Variants in IFT56 observed in about 807,000 individuals in gnomAD.
IFT56 encodes intraflagellar transport 56, also known as intraflagellar transport protein 56.
the IFT56 span, among the ~76,000 whole-genome samples, chr7:139,172,144 AATTAC>A: frequency 0.023 from 2,883 of 127,244 alleles, 67 homozygotes; most frequent in African/African-American, 0.11. Flanking sequence ...AAAAAAAAAA[AATTAC>A]TTAATGCTAA....
At chr7:139,189,184 G>C in the IFT56 span, 2 of 598,816 alleles carry the variant, frequency 3.3e-6, no homozygotes, top group Non-Finnish European at 6.0e-6. Context: ...TAATTGCTTT[G>C]TGAATACACA....
At chr7:139,160,106 A>C in the IFT56 span, among the ~76,000 whole-genome samples, 1 of 152,198 alleles carries the variant, frequency 6.6e-6, no homozygotes, top group Admixed American at 6.5e-5. Context: ...TGGACAAGAG[A>C]AGAGTGATAA....
chr7:139,140,302 G>T, the IFT56 span, among the ~76,000 whole-genome samples: 7 of 152,090 alleles, frequency 4.6e-5, no homozygotes, highest in Non-Finnish European at 1.0e-4. Context: ...GTGGTATTTA[G>T]GTATAGTTTT....
chr7:139,136,217 G>T, the IFT56 span, among the ~76,000 whole-genome samples: 2 of 152,182 alleles, frequency 1.3e-5, no homozygotes, highest in African/African-American at 4.8e-5. Flanking sequence ...GGGCCACCGC[G>T]CCCGGCCTAG....
the IFT56 span, chr7:139,148,072 G>T: frequency 1.4e-6 from 1 of 712,440 alleles, no homozygotes; most frequent in East Asian, 2.5e-5. Flanking sequence ...AAATTATACT[G>T]ATCATATCTT....
At chr7:139,173,744 T>C in the IFT56 span, 9 of 766,440 alleles carry the variant, frequency 1.2e-5, no homozygotes, top group East Asian at 1.7e-4. Context: ...AGCAAAATGC[T>C]TCCAAAATCA....
At chr7:139,166,281 GA>G in the IFT56 span, among the ~76,000 whole-genome samples, 1 of 151,942 alleles carries the variant, frequency 6.6e-6, no homozygotes, top group Non-Finnish European at 1.5e-5. Context: ...AAAGCAAAAA[GA>G]AATATGTTTT....
the IFT56 span, among the ~76,000 whole-genome samples, chr7:139,151,637 T>C: frequency 1.3e-5 from 2 of 152,264 alleles, no homozygotes; most frequent in Non-Finnish European, 2.9e-5. Context: ...GTATGAGGTA[T>C]GTAAAGTCCT....
the IFT56 span, among the ~76,000 whole-genome samples, chr7:139,186,473 A>G: frequency 6.6e-6 from 1 of 152,156 alleles, no homozygotes; most frequent in South Asian, 2.1e-4. Context: ...AAGAAAACTA[A>G]TCTAAGCAAA....
the IFT56 span, among the ~76,000 whole-genome samples, chr7:139,165,515 C>T: frequency 6.6e-6 from 1 of 150,806 alleles, no homozygotes; most frequent in Admixed American, 6.6e-5. Flanking sequence ...ATTGTTTTTC[C>T]TCCCCTTCCC....
the IFT56 span, among the ~76,000 whole-genome samples, chr7:139,154,973 C>CTTTTTTTTA: frequency 1.4e-4 from 21 of 152,004 alleles, no homozygotes; most frequent in African/African-American, 4.8e-4. Context: ...AATGTTTTTC[C>CTTTTTTTTA]ATTTATTTAG....
At chr7:139,168,667 A>G in the IFT56 span, 5 of 413,552 alleles carry the variant, frequency 1.2e-5, no homozygotes, top group Non-Finnish European at 2.3e-5. Flanking sequence ...TAACTAACTT[A>G]AAAATCATTG....
At chr7:139,179,270 C>T in the IFT56 span, among the ~76,000 whole-genome samples, 1 of 152,208 alleles carries the variant, frequency 6.6e-6, no homozygotes, top group East Asian at 1.9e-4. Flanking sequence ...TTTGTTGAGG[C>T]TTGCCTTACT....
chr7:139,189,387 C>T, the IFT56 span: 1 of 1,613,534 alleles, frequency 6.2e-7, no homozygotes, highest in African/African-American at 1.3e-5. Context: ...AATACATGAT[C>T]CGGATCATGA....
chr7:139,175,280 A>C, the IFT56 span, among the ~76,000 whole-genome samples: 1 of 152,176 alleles, frequency 6.6e-6, no homozygotes, highest in African/African-American at 2.4e-5. Context: ...GTACAAATGT[A>C]AATTAGCACA....
chr7:139,146,895 G>T, the IFT56 span: 1 of 943,592 alleles, frequency 1.1e-6, no homozygotes, highest in Middle Eastern at 2.3e-4. Context: ...TAAGGGGAAG[G>T]GTCAAATAGT....
chr7:139,162,488 ATTTTTTT>A, the IFT56 span, among the ~76,000 whole-genome samples: 2 of 150,088 alleles, frequency 1.3e-5, no homozygotes, highest in African/African-American at 4.9e-5. Flanking sequence ...TATTACTTTT[ATTTTTTT>A]TTTAAACCTG....
the IFT56 span, chr7:139,189,344 A>G: frequency 3.7e-5 from 60 of 1,612,120 alleles, no homozygotes; most frequent in Admixed American, 2.2e-4. Context: ...GAAGTGCTCC[A>G]TTTACTGAGA....
chr7:139,174,407 A>G, the IFT56 span: 2 of 413,090 alleles, frequency 4.8e-6, no homozygotes, highest in African/African-American at 4.1e-5. Context: ...GGGTGCAAAC[A>G]GTAACAACAA....
Sources: allele counts gnomAD v4.1 joint callset (sites outside exome capture counted in the v4.1 genomes callset), GRCh38; gene constraint gnomAD v4.1.1; transcripts MANE v1.5; gene names NCBI Gene and HGNC (gene_info 2026-07-23, HGNC 2026-07-21).